PRKCB: variants seen among roughly 807,000 people sequenced by gnomAD.
PRKCB encodes the protein protein kinase C beta.
A neutral mutation model predicts 81.5 loss-of-function variants in PRKCB; 13 were observed. The observed-to-expected ratio is 0.16, with a 90% CI of 0.10 to 0.25. The LOEUF (loss-of-function observed/expected upper bound fraction) is 0.25, where lower values mean the gene tolerates loss of function less well. PRKCB is among the 10% of genes least tolerant of loss of function. The pLI is 1.00. For missense variants in PRKCB, 509 were observed against 875.7 expected, an observed-to-expected ratio of 0.58 and a Z score of 5.29; for synonymous variants, 335 against 321.4, an observed-to-expected ratio of 1.04 and a Z score of -0.45.
chr16:23,904,118 C>T (rs184386231), intron 2 of PRKCB, among the ~76,000 whole-genome samples: 151 of 152,232 alleles, frequency 9.9e-4, no homozygotes, highest in Non-Finnish European at 1.2e-3. Context: ...ATAAGGGCCA[C>T]GATGGCAGGG....
intron 7 of PRKCB, among the ~76,000 whole-genome samples, chr16:24,110,060 C>T (rs1349910165): frequency 4.9e-5 from 6 of 121,876 alleles, no homozygotes; most frequent in Non-Finnish European, 8.0e-5. Context: ...AGTCCAGCTT[C>T]GGCTCAGCAT....
At chr16:23,940,976 T>G (rs949381777) in intron 2 of PRKCB, among the ~76,000 whole-genome samples, 9 of 152,170 alleles carry the variant, frequency 5.9e-5, no homozygotes, top group Non-Finnish European at 1.3e-4. Context: ...AGAACTAGGA[T>G]GATAGCTGTT....
intron 2 of PRKCB, among the ~76,000 whole-genome samples, chr16:23,971,583 G>T (rs1964557687): frequency 6.6e-6 from 1 of 152,184 alleles, no homozygotes; most frequent in South Asian, 2.1e-4. Context: ...GAGAGAGTTT[G>T]GGGTATTTCC....
intron 3 of PRKCB, among the ~76,000 whole-genome samples, chr16:24,007,437 A>C (rs1276464604): frequency 6.6e-6 from 1 of 152,206 alleles, no homozygotes; most frequent in Non-Finnish European, 1.5e-5. Flanking sequence ...AATGTGATAA[A>C]ATGCAGTTCT....
chr16:24,187,351 C>A (rs542893011), intron 15 of PRKCB, among the ~76,000 whole-genome samples: 25 of 152,298 alleles, frequency 1.6e-4, no homozygotes, highest in South Asian at 1.0e-3. Context: ...TGCCGCAGGA[C>A]CTTGGGGAAG....
At chr16:24,152,509 C>G (rs1967095673) in intron 9 of PRKCB, among the ~76,000 whole-genome samples, 1 of 152,172 alleles carries the variant, frequency 6.6e-6, no homozygotes, top group African/African-American at 2.4e-5. Flanking sequence ...GCTGAGAACT[C>G]TTCTTCTTTC....
At chr16:23,910,102 A>G (rs1963627539) in intron 2 of PRKCB, among the ~76,000 whole-genome samples, 1 of 152,046 alleles carries the variant, frequency 6.6e-6, no homozygotes. Context: ...CACCCTGAAC[A>G]TGCTGACAGT....
intron 2 of PRKCB, among the ~76,000 whole-genome samples, chr16:23,920,852 C>T (rs1963813917): frequency 6.6e-6 from 1 of 152,184 alleles, no homozygotes; most frequent in South Asian, 2.1e-4. Flanking sequence ...TTAGTCTGTT[C>T]TCATGCTGCT....
intron 9 of PRKCB, among the ~76,000 whole-genome samples, chr16:24,126,353 G>A (rs1481580781): frequency 6.6e-6 from 1 of 152,176 alleles, no homozygotes; most frequent in African/African-American, 2.4e-5. Context: ...AAATAAAGAA[G>A]AGGTTCTAAT....
At chr16:24,154,152 C>T (rs1244893541) in intron 9 of PRKCB, among the ~76,000 whole-genome samples, 1 of 152,176 alleles carries the variant, frequency 6.6e-6, no homozygotes, top group African/African-American at 2.4e-5. Context: ...ATCATCTCCC[C>T]TGGAACCATC....
intron 2 of PRKCB, among the ~76,000 whole-genome samples, chr16:23,928,319 G>T (rs553308074): frequency 6.6e-6 from 1 of 151,912 alleles, no homozygotes; most frequent in Admixed American, 6.6e-5. Context: ...GTAGAGACAC[G>T]GTTTCACCAT....
At chr16:24,035,240 A>T (rs1488294724) in intron 4 of PRKCB, among the ~76,000 whole-genome samples, 179 bp from the exon 5 acceptor site, 1 of 152,126 alleles carries the variant, frequency 6.6e-6, no homozygotes, top group African/African-American at 2.4e-5. Flanking sequence ...CAGGGGGAAG[A>T]GTTGGAAAAG....
chr16:24,188,226 T>C (rs1462001609), intron 15 of PRKCB, among the ~76,000 whole-genome samples: 1 of 152,164 alleles, frequency 6.6e-6, no homozygotes, highest in Non-Finnish European at 1.5e-5. Flanking sequence ...CCATTATTAA[T>C]TGAGTGGGCT....
At chr16:24,201,810 TGG>T (rs1967961364) in intron 16 of PRKCB, among the ~76,000 whole-genome samples, 1 of 150,910 alleles carries the variant, frequency 6.6e-6, no homozygotes, top group South Asian at 2.1e-4. Flanking sequence ...CTGAGGCGGG[TGG>T]ATCATGAGGT....
intron 16 of PRKCB, among the ~76,000 whole-genome samples, chr16:24,205,143 TC>T (rs1336485270): frequency 6.2e-5 from 9 of 144,674 alleles, no homozygotes; most frequent in East Asian, 6.0e-4. Flanking sequence ...TTATTATAAT[TC>T]CTTTTTTTTT....
chr16:23,896,883 ACCATCCAT>A (rs55662090), intron 2 of PRKCB, among the ~76,000 whole-genome samples: 39,169 of 149,128 alleles, frequency 0.26, 5,325 homozygotes, highest in South Asian at 0.43. Context: ...CATCCATCCA[ACCATCCAT>A]CCATCCATCC....
intron 2 of PRKCB, among the ~76,000 whole-genome samples, chr16:23,923,189 A>G (rs376843066): frequency 2.2e-4 from 34 of 152,100 alleles, no homozygotes; most frequent in African/African-American, 7.5e-4. Flanking sequence ...TATTGCCTTT[A>G]TAAAACCAAA....
At chr16:24,191,492 G>T in intron 16 of PRKCB, 1 of 347,606 alleles carries the variant, frequency 2.9e-6, no homozygotes, top group Non-Finnish European at 5.2e-6. Context: ...AACTGTCTTA[G>T]CTGACAACTT....
At chr16:23,916,700 T>G (rs1261159039) in intron 2 of PRKCB, among the ~76,000 whole-genome samples, 6 of 152,242 alleles carry the variant, frequency 3.9e-5, no homozygotes, top group Non-Finnish European at 8.8e-5. Flanking sequence ...CTTACCTTGC[T>G]TTCTTCACTT....
Sources: allele counts gnomAD v4.1 joint callset (sites outside exome capture counted in the v4.1 genomes callset), GRCh38; gene constraint gnomAD v4.1.1; transcripts MANE v1.5; gene names NCBI Gene and HGNC (gene_info 2026-07-23, HGNC 2026-07-21).